The following EPB41L2 variants were observed in gnomAD, a reference collection of about 807,000 sequenced individuals.
EPB41L2 encodes the protein band 4.1-like protein 2.
EPB41L2 carries 43 observed loss-of-function variants against 113.0 expected under a neutral mutation model. That is an observed-to-expected ratio of 0.38 (90% CI 0.30 to 0.49). The LOEUF (loss-of-function observed/expected upper bound fraction) is 0.49. EPB41L2 is among the 20% of genes least tolerant of loss of function. EPB41L2 has a pLI of 0.95. For missense variants in EPB41L2, 1,147 were observed against 1,223.4 expected (o/e 0.94, Z 0.93); for synonymous variants, 442 against 436.7 (o/e 1.01, Z -0.15).
chr6:130,872,220 C>T (rs1785953139), intron 14 of EPB41L2, among the ~76,000 whole-genome samples: 1 of 152,046 alleles, frequency 6.6e-6, no homozygotes, highest in African/African-American at 2.4e-5. Flanking sequence ...CTTCATGTTC[C>T]AATTCAGTCA....
At chr6:130,896,730 T>A (rs796343879) in intron 8 of EPB41L2, among the ~76,000 whole-genome samples, 8 of 152,310 alleles carry the variant, frequency 5.3e-5, no homozygotes, top group African/African-American at 1.9e-4. Context: ...CCTTGATCCT[T>A]CACATGTAAG....
chr6:130,994,434 G>C (rs918056177), intron 1 of EPB41L2, among the ~76,000 whole-genome samples: 2 of 152,100 alleles, frequency 1.3e-5, no homozygotes, highest in South Asian at 2.1e-4. Context: ...AAAACCTAAC[G>C]CTGGGACTCA....
Position 130,956,006 on chromosome 6 carries a change from TTTGCTCACTGAGGGTTTTTCTTCC to T in EPB41L2, c.456_479del (p.Glu153_Lys160del), listed in dbSNP as rs754623350. On this transcript the variant is annotated inframe_deletion, in exon 2 of 20. Coordinates refer to ENST00000337057, the MANE Select transcript of EPB41L2 (RefSeq NM_001431.4). ...TTCCCAAACATACCTGCATCTCCAC[TTTGCTCACTGAGGGTTTTTCTTCC>T]TTGCTCACTGAGGGTTTTTCTTCCT... is the stretch of plus-strand genomic sequence containing the variant. The T allele has an allele frequency of 7.0e-5, 112 of 1,611,336 alleles. No individual in the cohort carries two copies. The highest frequency in any genetic ancestry group is 1.6e-4 in the Middle Eastern group (1 of 6,062).
intron 12 of EPB41L2, chr6:130,882,555 C>T (rs1240076152): frequency 6.6e-6 from 1 of 152,598 alleles, no homozygotes; most frequent in Non-Finnish European, 1.5e-5. Flanking sequence ...TCATTCAAGT[C>T]ACAGTCATAA....
chr6:130,894,455 G>T lies in EPB41L2; in HGVS notation c.1390-14C>A, dbSNP rs372637030. 2 of 1,609,060 alleles carry T rather than the reference G, an allele frequency of 1.2e-6. No homozygotes were observed. Among genetic ancestry groups the T allele is most frequent in the South Asian group, 2.2e-5 (2 of 90,972 alleles). On this transcript the variant is annotated splice_polypyrimidine_tract_variant and intron_variant, in intron 9 of 19. Coordinates refer to ENST00000337057, the MANE Select transcript of EPB41L2 (RefSeq NM_001431.4). ...AAACTGTTCCAGCTGGAATAAATCC[G>T]TAAAACAAATCAGCATATTTCCTTA...
intron 1 of EPB41L2, among the ~76,000 whole-genome samples, chr6:131,017,253 G>A (rs1788447977): frequency 6.6e-6 from 1 of 152,200 alleles, no homozygotes; most frequent in African/African-American, 2.4e-5. Context: ...TGGACTAGGA[G>A]CAGCTCAGTG....
intron 14 of EPB41L2, among the ~76,000 whole-genome samples, chr6:130,875,519 C>T (rs997727492): frequency 6.6e-6 from 1 of 152,250 alleles, no homozygotes; most frequent in Admixed American, 6.5e-5. Context: ...TGTGGCTCGT[C>T]CTTACACGTG....
At chr6:130,880,328 A>C in intron 12 of EPB41L2, 122 bp from the exon 13 acceptor site, 1 of 678,432 alleles carries the variant, frequency 1.5e-6, no homozygotes, top group Non-Finnish European at 2.5e-6. Context: ...AGGAATACAA[A>C]TCTTATGAAC....
intron 1 of EPB41L2, among the ~76,000 whole-genome samples, chr6:130,985,651 G>T (rs929278881): frequency 6.6e-6 from 1 of 152,170 alleles, no homozygotes; most frequent in East Asian, 1.9e-4. Context: ...GGTGACCTGG[G>T]CAGTGAAATG....
rs1451673097 is a variant in EPB41L2 at position 130,929,884 on chromosome 6, CACACACACACACAT to C, written c.706-3189_706-3176del. Among the ~76,000 whole-genome samples, 61 of 145,832 alleles carry C rather than the reference CACACACACACACAT, an allele frequency of 4.2e-4. 1 individual carries two copies. The South Asian group carries it at 5.0e-3, about 12-fold the overall frequency. ...ACACACACACACACACACACACACA[CACACACACACACAT>C]ACACGCACAGTCATAAAGTGGTATA... On this transcript the variant is annotated intron_variant, in intron 3 of 19. Transcript: ENST00000337057.
At chr6:130,938,614 G>A (rs1809719362) in intron 3 of EPB41L2, among the ~76,000 whole-genome samples, 1 of 152,096 alleles carries the variant, frequency 6.6e-6, no homozygotes, top group Non-Finnish European at 1.5e-5. Context: ...TGTACTACTG[G>A]TAGTGTGCCC....
At chr6:130,874,523 T>G (rs1786860385) in intron 14 of EPB41L2, among the ~76,000 whole-genome samples, 1 of 152,158 alleles carries the variant, frequency 6.6e-6, no homozygotes, top group Admixed American at 6.5e-5. Context: ...TACTTTCAAC[T>G]AATAGTAGTA....
rs2128480037 is a variant in EPB41L2 at position 130,890,414 on chromosome 6, T to G, written c.1540A>C (p.Lys514Gln). ...PKAKFLTLGS[K>Q]FRYSGRTQAQ... The stretch of plus-strand genomic sequence containing the variant: ...TGGGTGCGGCCACTATAGCGAAATT[T>G]GGACCCCAAGGTCAGGAACTTGGCT... The change falls in exon 11 of 20, where the codon AAA (lysine) becomes CAA (glutamine). Residue 514 changes from lysine (K) to glutamine (Q), a missense_variant. By Grantham distance (53) the Lys-to-Gln change is moderately conservative (BLOSUM62 1). Transcript: ENST00000337057. 1.9e-6 allele frequency: 3 copies of G among 1,613,052 alleles called. No homozygotes were observed. In the East Asian group the frequency reaches 6.7e-5, roughly 36 times the overall value.
At chr6:130,954,042 T>C (rs1446228987) in intron 3 of EPB41L2, among the ~76,000 whole-genome samples, 1 of 33,952 alleles carries the variant, frequency 2.9e-5, no homozygotes, top group Non-Finnish European at 4.8e-5. Flanking sequence ...TTTTCTTTCT[T>C]TTTTTTTTTT....
intron 14 of EPB41L2, among the ~76,000 whole-genome samples, chr6:130,874,273 TA>T (rs201060395): frequency 6.6e-6 from 1 of 151,078 alleles, no homozygotes; most frequent in Admixed American, 6.6e-5. Flanking sequence ...TTTTTTTTTT[TA>T]AAAAGAAACT....
chr6:130,861,879 A>C (rs1188961076), intron 18 of EPB41L2, among the ~76,000 whole-genome samples: 1 of 151,814 alleles, frequency 6.6e-6, no homozygotes, highest in African/African-American at 2.4e-5. Flanking sequence ...CTCCCCAAAA[A>C]AAAAAAAAAA....
Position 130,890,456 on chromosome 6 carries a change from G to A in EPB41L2, c.1498C>T (p.Pro500Ser), listed in dbSNP as rs1307277123. ...AACTTGGCTTTTGGTGGCTGCTCTG[G>A]AGAAACAAGCCTATGGGAGGAAAAA... ...EHHTFYRLVS[P>S]EQPPKAKFLT... The change falls in exon 11 of 20, where the codon CCA (proline) becomes TCA (serine). Residue 500 changes from proline (P) to serine (S), a missense_variant. Transcript: ENST00000337057. The A allele has an allele frequency of 5.6e-6, 9 of 1,598,920 alleles. No homozygotes were observed. Among genetic ancestry groups the A allele is most frequent in the Non-Finnish European group, 7.7e-6 (9 of 1,175,330 alleles).
chr6:130,862,746 A>G (rs1437986910), intron 18 of EPB41L2, among the ~76,000 whole-genome samples: 1 of 152,206 alleles, frequency 6.6e-6, no homozygotes, highest in East Asian at 1.9e-4. Context: ...AGGCATGAAA[A>G]ATCCATTTAT....
In EPB41L2 at chr6:130,862,590, C is replaced by A. The variant is rs149300312; in HGVS notation, c.2910+1048G>T. ...TGTACTAATGCTCTCTAGGAATCTC[C>A]AGTCCTATGTCCTATGTCAAAATCC... On this transcript the variant is annotated intron_variant, in intron 18 of 19. Transcript: ENST00000337057. Among the ~76,000 whole-genome samples, 493 of 152,294 alleles carry A rather than the reference C, an allele frequency of 3.2e-3. 1 individual carries two copies. Among genetic ancestry groups the A allele is most frequent in the African/African-American group, 0.012 (478 of 41,560 alleles).
Sources: allele counts gnomAD v4.1 joint callset (sites outside exome capture counted in the v4.1 genomes callset), GRCh38; gene constraint gnomAD v4.1.1; transcripts MANE v1.5; gene names NCBI Gene and HGNC (gene_info 2026-07-23, HGNC 2026-07-21).